The following NRG3 variants were observed in gnomAD, a reference collection of about 807,000 sequenced individuals.
The protein encoded by NRG3 is pro-neuregulin-3, membrane-bound isoform.
NRG3 carries 31 observed loss-of-function variants against 66.9 expected under a neutral mutation model. The ratio of observed to expected loss-of-function variants is 0.46; its 90% CI spans 0.35 to 0.63. The LOEUF (loss-of-function observed/expected upper bound fraction) is 0.63, where lower values mean the gene tolerates loss of function less well. Ranked by LOEUF, NRG3 falls within the 20% of genes least tolerant of loss-of-function variation. The probability of loss-of-function intolerance (pLI) is 0.00; values close to 1 mark genes in which losing one functional copy is unlikely to be tolerated. For synonymous variants in NRG3, 393 were observed against 359.4 expected, an observed-to-expected ratio of 1.09 and a Z score of -1.06; for missense variants, 910 against 878.9, an observed-to-expected ratio of 1.04 and a Z score of -0.45.
intron 1 of NRG3, among the ~76,000 whole-genome samples, chr10:82,190,692 C>T (rs1056497214): frequency 2.6e-5 from 4 of 152,186 alleles, no homozygotes; most frequent in African/African-American, 9.6e-5. Context: ...AGTGAGGAAG[C>T]TTTCAGCTGC....
intron 1 of NRG3, among the ~76,000 whole-genome samples, chr10:81,978,175 C>T (rs2060196183): frequency 6.6e-6 from 1 of 152,182 alleles, no homozygotes; most frequent in Admixed American, 6.6e-5. Flanking sequence ...CCCTATCCCT[C>T]TGTTCCCCTT....
At chr10:82,852,941 C>T (rs1469103250) in intron 3 of NRG3, among the ~76,000 whole-genome samples, 2 of 152,164 alleles carry the variant, frequency 1.3e-5, no homozygotes, top group Non-Finnish European at 2.9e-5. Context: ...CCATTGCAGT[C>T]AACCCTTCCT....
intron 3 of NRG3, among the ~76,000 whole-genome samples, chr10:82,793,126 G>A (rs1448641033): frequency 6.6e-6 from 1 of 151,990 alleles, no homozygotes; most frequent in African/African-American, 2.4e-5. Flanking sequence ...ACATTCGTCT[G>A]TAAGTTTTAA....
At chr10:82,644,056 T>C (rs567694474) in intron 2 of NRG3, among the ~76,000 whole-genome samples, 1 of 152,284 alleles carries the variant, frequency 6.6e-6, no homozygotes, top group Admixed American at 6.5e-5. Flanking sequence ...CTTTGGCTGG[T>C]CTGTTTCTAC....
At chr10:82,001,674 T>G (rs2061173531) in intron 1 of NRG3, among the ~76,000 whole-genome samples, 1 of 152,208 alleles carries the variant, frequency 6.6e-6, no homozygotes, top group African/African-American at 2.4e-5. Context: ...AGTCTTGTTT[T>G]TTAAACTTGG....
At chr10:81,877,907 T>G in intron 1 of NRG3, 1 of 1,536,376 alleles carries the variant, frequency 6.5e-7, no homozygotes. Context: ...AAAATGAGTC[T>G]ACCCTGAAGA....
intron 1 of NRG3, among the ~76,000 whole-genome samples, chr10:81,918,982 C>CACAT (rs1469951020): frequency 1.3e-5 from 2 of 150,744 alleles, no homozygotes; most frequent in South Asian, 2.1e-4. Context: ...AAAACACACA[C>CACAT]ACACACACAC....
chr10:82,495,192 C>T lies in NRG3; in HGVS notation c.953+136324C>T, dbSNP rs1056898160. On this transcript the variant is annotated intron_variant, in intron 2 of 8. Coordinates refer to ENST00000372141, the MANE Select transcript of NRG3 (RefSeq NM_001010848.4). ...CCTCGTGATCTGCCCGTCTCGGCCT[C>T]CCAAAGTGCTGGGATTACAGGCGTG... 3.2e-4 allele frequency among the ~76,000 whole-genome samples: 48 copies of T among 152,246 alleles called. 1 individual carries two copies. Among genetic ancestry groups the T allele is most frequent in the Admixed American group, 2.7e-3 (41 of 15,296 alleles).
At chr10:82,483,010 C>T (rs759954009) in intron 2 of NRG3, among the ~76,000 whole-genome samples, 1 of 152,150 alleles carries the variant, frequency 6.6e-6, no homozygotes, top group African/African-American at 2.4e-5. Context: ...CAAGAATTTT[C>T]TTAAATGGGT....
intron 1 of NRG3, among the ~76,000 whole-genome samples, chr10:82,102,499 G>A (rs2066821679): frequency 6.6e-6 from 1 of 150,728 alleles, no homozygotes; most frequent in Non-Finnish European, 1.5e-5. Context: ...TTTTTTATTA[G>A]TTAGATTTTT....
At chr10:81,897,650 C>A (rs925024175) in intron 1 of NRG3, among the ~76,000 whole-genome samples, 1 of 152,204 alleles carries the variant, frequency 6.6e-6, no homozygotes, top group Admixed American at 6.5e-5. Context: ...AAGCATCTGG[C>A]ATTCTCCATG....
chr10:82,188,967 G>T (rs1262272282), intron 1 of NRG3, among the ~76,000 whole-genome samples: 3 of 151,680 alleles, frequency 2.0e-5, no homozygotes, highest in Non-Finnish European at 4.4e-5. Flanking sequence ...TAAAATTAAA[G>T]AACATGGAGA....
intron 3 of NRG3, among the ~76,000 whole-genome samples, chr10:82,859,433 G>T (rs2063995250): frequency 6.6e-6 from 1 of 152,126 alleles, no homozygotes; most frequent in Non-Finnish European, 1.5e-5. Flanking sequence ...GGGCTGCATT[G>T]CAGTGAGTTC....
intron 1 of NRG3, among the ~76,000 whole-genome samples, chr10:82,285,545 C>T (rs1033212217): frequency 2.0e-5 from 3 of 151,990 alleles, no homozygotes; most frequent in Admixed American, 6.6e-5. Context: ...AGCATTATCC[C>T]GAGATGGAAG....
intron 1 of NRG3, among the ~76,000 whole-genome samples, chr10:81,909,825 T>TAG (rs2132732240): frequency 6.6e-6 from 1 of 152,256 alleles, no homozygotes; most frequent in South Asian, 2.1e-4. Context: ...AAATGGGAAA[T>TAG]AGATAATAAG....
At chr10:82,675,370 T>G (rs1245242682) in intron 2 of NRG3, among the ~76,000 whole-genome samples, 3 of 152,168 alleles carry the variant, frequency 2.0e-5, no homozygotes, top group Non-Finnish European at 4.4e-5. Flanking sequence ...GTTCCTCCTG[T>G]GTGCTGAATA....
chr10:82,239,198 G>A (rs752422957), intron 1 of NRG3, among the ~76,000 whole-genome samples: 3 of 151,830 alleles, frequency 2.0e-5, no homozygotes, highest in African/African-American at 7.3e-5. Flanking sequence ...TAACTTCTAT[G>A]TGTGTATATA....
intron 2 of NRG3, among the ~76,000 whole-genome samples, chr10:82,626,659 C>T (rs2049444189): frequency 6.6e-6 from 1 of 152,090 alleles, no homozygotes; most frequent in African/African-American, 2.4e-5. Context: ...TTTCTTCTTT[C>T]CATTGAGTGT....
At chr10:82,977,680 A>C (rs1852430864) in intron 7 of NRG3, among the ~76,000 whole-genome samples, 1 of 151,946 alleles carries the variant, frequency 6.6e-6, no homozygotes, top group Admixed American at 6.6e-5. Context: ...GCTTGCACAC[A>C]TTTAGGAAGT....
Sources: gnomAD v4.1 joint callset for allele counts (sites outside exome capture counted in the v4.1 genomes callset) on GRCh38, gnomAD v4.1.1 for gene constraint, MANE v1.5 for transcripts, NCBI Gene and HGNC (gene_info 2026-07-23, HGNC 2026-07-21) for gene names.